The following RFX3 variants were observed in gnomAD, a reference collection of about 807,000 sequenced individuals.
RFX3 encodes the protein transcription factor RFX3.
Under a neutral mutation model 98.6 loss-of-function variants are expected in RFX3, and 14 were observed. The observed-to-expected ratio is 0.14, with a 90% confidence interval of 0.09 to 0.22. RFX3 has a LOEUF of 0.22. RFX3 is among the 10% of genes least tolerant of loss of function. The pLI, the probability that RFX3 is intolerant of heterozygous loss-of-function variation, is 1.00. For missense variants in RFX3, 639 were observed against 926.9 expected, an observed-to-expected ratio of 0.69 and a Z score of 4.03; for synonymous variants, 383 against 328.4, an observed-to-expected ratio of 1.17 and a Z score of -1.80.
At chr9:3,309,360 G>A (rs1268666648) in intron 4 of RFX3, among the ~76,000 whole-genome samples, 1 of 152,076 alleles carries the variant, frequency 6.6e-6, no homozygotes, top group African/African-American at 2.4e-5. Context: ...TTATCTCCTG[G>A]GAGACAGAGA....
chr9:3,405,101 C>T (rs1841835586), intron 1 of RFX3, among the ~76,000 whole-genome samples: 1 of 152,140 alleles, frequency 6.6e-6, no homozygotes, highest in African/African-American at 2.4e-5. Flanking sequence ...CAAAAAGCTT[C>T]CTCCTTGCCT....
intron 1 of RFX3, among the ~76,000 whole-genome samples, chr9:3,505,309 T>G (rs1395864064): frequency 2.6e-5 from 2 of 76,164 alleles, no homozygotes; most frequent in Non-Finnish European, 3.9e-5. Context: ...TATATATAAA[T>G]ATATATTAAT....
chr9:3,240,674 A>G (rs952062855), intron 15 of RFX3, among the ~76,000 whole-genome samples: 23 of 152,218 alleles, frequency 1.5e-4, no homozygotes, highest in African/African-American at 5.3e-4. Context: ...CAAGGATGGT[A>G]TAAAGAAAGA....
At chr9:3,457,091 A>T (rs897481089) in intron 1 of RFX3, among the ~76,000 whole-genome samples, 2 of 138,436 alleles carry the variant, frequency 1.4e-5, no homozygotes, top group Admixed American at 1.6e-4. Context: ...CTGTGAACCG[A>T]GATCGCACCA....
At chr9:3,336,181 G>A (rs1231259915) in intron 3 of RFX3, among the ~76,000 whole-genome samples, 1 of 152,190 alleles carries the variant, frequency 6.6e-6, no homozygotes, top group East Asian at 1.9e-4. Flanking sequence ...TATAGATATG[G>A]TGACCATTAT....
intron 1 of RFX3, among the ~76,000 whole-genome samples, chr9:3,492,654 C>A (rs1328894011): frequency 1.3e-5 from 2 of 152,132 alleles, no homozygotes; most frequent in Admixed American, 1.3e-4. Flanking sequence ...ATCTTGTGGG[C>A]ATGCTATGGC....
intron 11 of RFX3, among the ~76,000 whole-genome samples, chr9:3,268,394 G>A (rs541982796): frequency 7.2e-5 from 11 of 151,840 alleles, no homozygotes; most frequent in African/African-American, 2.6e-4. Context: ...AAAGCCTCAT[G>A]AATGGATGGT....
At chr9:3,470,511 T>C (rs1332731220) in intron 1 of RFX3, among the ~76,000 whole-genome samples, 2 of 150,508 alleles carry the variant, frequency 1.3e-5, no homozygotes, top group Non-Finnish European at 3.0e-5. Flanking sequence ...TTTTTTTTAG[T>C]AGAGACGGGG....
At chr9:3,374,131 C>A (rs1222689904) in intron 2 of RFX3, among the ~76,000 whole-genome samples, 4 of 152,018 alleles carry the variant, frequency 2.6e-5, no homozygotes, top group Non-Finnish European at 2.9e-5. Context: ...CCACAACTAC[C>A]ACTTTACATC....
intron 1 of RFX3, among the ~76,000 whole-genome samples, chr9:3,405,152 T>C (rs903692335): frequency 2.6e-5 from 4 of 152,144 alleles, no homozygotes; most frequent in African/African-American, 9.7e-5. Flanking sequence ...CCTACCTGTC[T>C]GGCCAATCTT....
chr9:3,420,606 C>G (rs550516079), intron 1 of RFX3, among the ~76,000 whole-genome samples: 159 of 152,226 alleles, frequency 1.0e-3, no homozygotes, highest in Non-Finnish European at 1.2e-3. Flanking sequence ...TATCTTCCCC[C>G]AAACTAACTG....
chr9:3,360,059 A>G (rs368514557), intron 2 of RFX3, among the ~76,000 whole-genome samples: 1 of 152,156 alleles, frequency 6.6e-6, no homozygotes. Flanking sequence ...TAGTCATTTC[A>G]TTACCATCCC....
chr9:3,361,049 G>C (rs1417313658), intron 2 of RFX3, among the ~76,000 whole-genome samples: 1 of 152,132 alleles, frequency 6.6e-6, no homozygotes, highest in Non-Finnish European at 1.5e-5. Context: ...TTTCAGAAAT[G>C]TCAAAAACTG....
In RFX3 at chr9:3,221,779, T is replaced by G. The variant is rs1396421262; in HGVS notation, c.*3263A>C. Reference sequence around the variant, plus strand: ...TTCAAACTATATGTCAAGATCAAACTATACCCATGATACTCAATCCTATCA... The same window carrying G: ...TTCAAACTATATGTCAAGATCAAACGATACCCATGATACTCAATCCTATCA... On this transcript the variant is annotated 3_prime_UTR_variant, in exon 17 of 17. Transcript: ENST00000617270. 6.6e-6 allele frequency: 1 copy of G among 152,184 alleles called. No homozygotes were observed. Among genetic ancestry groups the G allele is most frequent in the East Asian group, 1.9e-4 (1 of 5,204 alleles). 9.4% of individuals were successfully genotyped at this position (152,184 alleles called of 1,614,324 possible).
In RFX3 at chr9:3,261,551, C is replaced by T. The variant is rs529863997; in HGVS notation, c.1605+1384G>A. Among the ~76,000 whole-genome samples, 19 of 152,140 alleles carry T rather than the reference C, an allele frequency of 1.2e-4. 2 individuals are homozygous for T. The highest frequency in any genetic ancestry group is 4.1e-4 in the African/African-American group (17 of 41,526). On this transcript the variant is annotated intron_variant, in intron 13 of 16. Transcript: ENST00000617270. ...TTTTGTTTATCTATTAATCAGTTGACGGACATTTGGGTTGTTTCTGCTTTT... is the reference window on the plus strand; with the variant it reads ...TTTTGTTTATCTATTAATCAGTTGATGGACATTTGGGTTGTTTCTGCTTTT...
chr9:3,468,594 T>C (rs541405389), intron 1 of RFX3, among the ~76,000 whole-genome samples: 9 of 152,174 alleles, frequency 5.9e-5, no homozygotes, highest in Non-Finnish European at 1.0e-4. Flanking sequence ...AGCTTAGCAC[T>C]AAATCAATTT....
intron 1 of RFX3, among the ~76,000 whole-genome samples, chr9:3,507,173 C>T (rs1817184020): frequency 6.6e-6 from 1 of 151,818 alleles, no homozygotes; most frequent in Non-Finnish European, 1.5e-5. Context: ...AAATCTAAAT[C>T]ACAATTTCCA....
At chr9:3,521,730 T>C (rs1294015572) in intron 1 of RFX3, among the ~76,000 whole-genome samples, 1 of 152,184 alleles carries the variant, frequency 6.6e-6, no homozygotes, top group Non-Finnish European at 1.5e-5. Flanking sequence ...TGAAAATACT[T>C]AACCAACAAA....
At chr9:3,462,406 A>C (rs978491987) in intron 1 of RFX3, among the ~76,000 whole-genome samples, 47 of 152,152 alleles carry the variant, frequency 3.1e-4, no homozygotes, top group African/African-American at 1.1e-3. Context: ...TCAGCCTAAT[A>C]AAAGGCATCC....
Sources: gnomAD v4.1 joint callset for allele counts (sites outside exome capture counted in the v4.1 genomes callset) on GRCh38, gnomAD v4.1.1 for gene constraint, MANE v1.5 for transcripts, NCBI Gene and HGNC (gene_info 2026-07-23, HGNC 2026-07-21) for gene names.